TNFSF13B: variants seen among roughly 807,000 people sequenced by gnomAD.
TNFSF13B encodes the protein tumor necrosis factor ligand superfamily member 13B.
Under a neutral mutation model 29.1 loss-of-function variants are expected in TNFSF13B, and 8 were observed. The ratio of observed to expected loss-of-function variants is 0.27; its 90% confidence interval spans 0.16 to 0.50. TNFSF13B has a LOEUF of 0.50. Ranked by LOEUF, TNFSF13B falls within the 20% of genes least tolerant of loss-of-function variation. The probability of loss-of-function intolerance (pLI) is 0.98; values close to 1 mark genes in which losing one functional copy is unlikely to be tolerated. For missense variants in TNFSF13B, 248 were observed against 334.9 expected, an observed-to-expected ratio of 0.74 and a Z score of 2.03; for synonymous variants, 125 against 130.8, an observed-to-expected ratio of 0.96 and a Z score of 0.30.
downstream of TNFSF13B, chr13:108,308,479 C>A (rs1881839632): frequency 6.6e-6 from 1 of 152,000 alleles, no homozygotes; most frequent in African/African-American, 2.4e-5. Flanking sequence ...TTGCCTTTTG[C>A]CTCATTGTCT....
chr13:108,286,161 T>C (rs1881122113), intron 2 of TNFSF13B, among the ~76,000 whole-genome samples: 1 of 152,224 alleles, frequency 6.6e-6, no homozygotes, highest in Non-Finnish European at 1.5e-5. Context: ...TGACTTTGGA[T>C]CCAGAGTGAA....
At chr13:108,281,487 A>G (rs1880953970) in intron 2 of TNFSF13B, among the ~76,000 whole-genome samples, 1 of 152,166 alleles carries the variant, frequency 6.6e-6, no homozygotes, top group South Asian at 2.1e-4. Context: ...CTGCATTTAC[A>G]TAACTGCATT....
chr13:108,280,002 G>C (rs777917512), intron 2 of TNFSF13B, among the ~76,000 whole-genome samples: 22 of 151,146 alleles, frequency 1.5e-4, no homozygotes, highest in Admixed American at 7.9e-4. Context: ...TTCTGTCCGT[G>C]TGATGTTGAG....
chr13:108,295,661 G>T (rs1881442521), intron 3 of TNFSF13B, among the ~76,000 whole-genome samples: 1 of 144,954 alleles, frequency 6.9e-6, no homozygotes. Context: ...TTTAACATAG[G>T]CATTTACAGT....
chr13:108,272,062 A>G (rs1302531536), intron 2 of TNFSF13B, among the ~76,000 whole-genome samples: 3 of 152,160 alleles, frequency 2.0e-5, no homozygotes, highest in Non-Finnish European at 4.4e-5. Context: ...GGTTCTCCAC[A>G]TTCTTGCTTG....
intron 3 of TNFSF13B, chr13:108,301,173 C>T (rs1881612130): frequency 6.6e-6 from 1 of 151,852 alleles, no homozygotes; most frequent in African/African-American, 2.4e-5. Flanking sequence ...AATAAAATAC[C>T]ATATGATCCA....
intron 2 of TNFSF13B, among the ~76,000 whole-genome samples, chr13:108,286,355 T>A (rs1327746615): frequency 1.5e-5 from 2 of 132,150 alleles, no homozygotes; most frequent in African/African-American, 6.4e-5. Flanking sequence ...CGTATTAGCA[T>A]TTTTTTTTTT....
chr13:108,303,136 TC>T (rs901301601), intron 3 of TNFSF13B, 116 bp from the exon 4 acceptor site: 5 of 756,232 alleles, frequency 6.6e-6, no homozygotes, highest in African/African-American at 3.6e-5. Flanking sequence ...TTTCTTTCTT[TC>T]TTTTTTTTTT....
intron 5 of TNFSF13B, among the ~76,000 whole-genome samples, 189 bp downstream of exon 5, chr13:108,303,793 A>T (rs969795261): frequency 6.6e-6 from 1 of 152,196 alleles, no homozygotes; most frequent in Non-Finnish European, 1.5e-5. Flanking sequence ...GAAAGATGGA[A>T]TTATTACTAA....
intron 3 of TNFSF13B, among the ~76,000 whole-genome samples, chr13:108,293,706 A>G (rs555786811): frequency 2.0e-5 from 3 of 152,292 alleles, no homozygotes; most frequent in South Asian, 2.1e-4. Flanking sequence ...TCAGTTTGCT[A>G]TAACATATTA....
chr13:108,270,319 T>C, intron 1 of TNFSF13B, 21 bp from the exon 2 acceptor site: 1 of 1,614,062 alleles, frequency 6.2e-7, no homozygotes, highest in Non-Finnish European at 8.5e-7. Flanking sequence ...TTCTAATAAC[T>C]TGAAGTTTTT....
intron 2 of TNFSF13B, among the ~76,000 whole-genome samples, chr13:108,276,611 GA>G (rs1215805634): frequency 1.3e-5 from 2 of 152,108 alleles, no homozygotes; most frequent in Non-Finnish European, 1.5e-5. Context: ...TAAATATGTT[GA>G]AAAAGTGAAA....
intron 3 of TNFSF13B, chr13:108,302,993 A>G (rs2139070318): frequency 2.0e-6 from 1 of 500,316 alleles, no homozygotes; most frequent in South Asian, 5.9e-5. Context: ...CAATAAAGGG[A>G]AAACCCAGAC....
At chr13:108,287,161 C>T (rs369356788) in intron 3 of TNFSF13B, among the ~76,000 whole-genome samples, 2 of 151,734 alleles carry the variant, frequency 1.3e-5, no homozygotes, top group African/African-American at 4.8e-5. Flanking sequence ...AGGAGATATA[C>T]CTACTGTTAA....
chr13:108,280,793 G>A (rs902896960), intron 2 of TNFSF13B, among the ~76,000 whole-genome samples: 1 of 151,268 alleles, frequency 6.6e-6, no homozygotes, highest in Non-Finnish European at 1.5e-5. Flanking sequence ...ATTGCTTTAA[G>A]CACAAAACAT....
intron 2 of TNFSF13B, among the ~76,000 whole-genome samples, chr13:108,272,801 A>G (rs1880657105): frequency 6.6e-6 from 1 of 152,052 alleles, no homozygotes; most frequent in Admixed American, 6.6e-5. Flanking sequence ...CTTAACCTTC[A>G]CTGCTAATAT....
chr13:108,279,629 AATTGTAAGC>A (rs1880875113), intron 2 of TNFSF13B, among the ~76,000 whole-genome samples: 1 of 152,186 alleles, frequency 6.6e-6, no homozygotes, highest in South Asian at 2.1e-4. Context: ...GCAGTGAGTG[AATTGTAAGC>A]ATTAGAATGA....
chr13:108,287,505 G>A (rs977087546), intron 3 of TNFSF13B, among the ~76,000 whole-genome samples: 1 of 152,100 alleles, frequency 6.6e-6, no homozygotes, highest in African/African-American at 2.4e-5. Context: ...GACCTTAGAG[G>A]CACGAATACT....
chr13:108,278,472 A>G (rs183115091), intron 2 of TNFSF13B, among the ~76,000 whole-genome samples: 33 of 151,914 alleles, frequency 2.2e-4, no homozygotes, highest in Non-Finnish European at 4.0e-4. Flanking sequence ...TATCCCATAC[A>G]AACATCTTTA....
Sources: gnomAD v4.1 joint callset for allele counts (sites outside exome capture counted in the v4.1 genomes callset) on GRCh38, gnomAD v4.1.1 for gene constraint, MANE v1.5 for transcripts, NCBI Gene and HGNC (gene_info 2026-07-23, HGNC 2026-07-21) for gene names.